Variants in DNAJC7 observed in about 807,000 individuals in gnomAD.
The protein encoded by DNAJC7 is DnaJ heat shock protein family (Hsp40) member C7.
In DNAJC7, 18 loss-of-function variants were observed where a neutral mutation model predicts 67.4. The observed-to-expected ratio is 0.27, with a 90% CI of 0.18 to 0.40. The LOEUF (loss-of-function observed/expected upper bound fraction) is 0.40. Among genes scored for constraint, DNAJC7 ranks in the 10% least tolerant of loss-of-function variants. DNAJC7 has a pLI of 1.00. For synonymous variants in DNAJC7, 220 were observed against 207.8 expected (o/e 1.06, Z -0.50); for missense variants, 419 against 613.8 (o/e 0.68, Z 3.35).
chr17:41,993,566 GA>G (rs1350912805), intron 5 of DNAJC7, among the ~76,000 whole-genome samples: 1 of 152,218 alleles, frequency 6.6e-6, no homozygotes, highest in Non-Finnish European at 1.5e-5. Flanking sequence ...CTGTTCCTTG[GA>G]TAGTAGTCAC....
Position 41,997,130 on chromosome 17 carries a change from A to G in DNAJC7, c.276T>C (p.Asp92=). The change falls in exon 3 of 14, where the codon GAT becomes GAC. Residue 92 remains aspartate (D), a synonymous_variant. Transcript: ENST00000457167. Reference sequence around the variant, plus strand: ...ACATACATACCCGGACAAAACTGTCATCCAACCTCACTGACTGTTGTGCAT... The same window carrying G: ...ACATACATACCCGGACAAAACTGTCGTCCAACCTCACTGACTGTTGTGCAT... ...LGDAQQSVRL[D]DSFVRGHLRE... is the part of the protein sequence containing the mutation. 6.2e-7 allele frequency: 1 copy of G among 1,614,036 alleles called. No individual in the cohort carries two copies. The highest frequency in any genetic ancestry group is 8.5e-7 in the Non-Finnish European group (1 of 1,179,880).
intron 5 of DNAJC7, chr17:41,992,886 A>C (rs887585221): frequency 1.1e-4 from 16 of 152,192 alleles, no homozygotes; most frequent in African/African-American, 3.6e-4. Flanking sequence ...GGCAAGAGAG[A>C]AAAGAAACCC....
chr17:41,977,309 T>C lies in DNAJC7; in HGVS notation c.1399A>G (p.Asn467Asp), dbSNP rs2051113594. 6.3e-7 allele frequency: 1 copy of C among 1,582,318 alleles called. No individual in the cohort carries two copies. The highest frequency in any genetic ancestry group is 1.8e-5 in the Admixed American group (1 of 54,708). ...CCGCCAAAGAATGCCTTGAAGATAT[T>C]GTTTGGATCAAAATCTGTAGAGCAG... ...GMNMGDFDPNNIFKAFFGGPG... is the reference protein window; with the variant it reads ...GMNMGDFDPNDIFKAFFGGPG... Residue 467 changes from asparagine (N) to aspartate (D), a missense_variant, in exon 13 of 14, where the codon AAT becomes GAT. By Grantham distance (23) the Asn-to-Asp change is conservative (BLOSUM62 1). Transcript: ENST00000457167.
In DNAJC7 at chr17:41,983,550, CT is replaced by C; in HGVS notation, c.1084+12del. Reference sequence around the variant, plus strand: ...CACACAGTTCCCTAAAAAACAAATGCTTTTAAACTTACCTTTTGTTTTCTCT... The same window carrying C: ...CACACAGTTCCCTAAAAAACAAATGCTTTAAACTTACCTTTTGTTTTCTCT... On this transcript the variant is annotated intron_variant, in intron 10 of 13. Coordinates refer to ENST00000457167, the MANE Select transcript of DNAJC7 (RefSeq NM_003315.4). 1 of 1,572,404 alleles carries C rather than the reference CT, an allele frequency of 6.4e-7. No homozygotes were observed. The highest frequency in any genetic ancestry group is 8.6e-7 in the Non-Finnish European group (1 of 1,156,872).
chr17:42,001,439 A>G (rs1241529900), intron 1 of DNAJC7, among the ~76,000 whole-genome samples: 1 of 152,236 alleles, frequency 6.6e-6, no homozygotes, highest in Non-Finnish European at 1.5e-5. Context: ...TGGGAATTAG[A>G]TTCCCGAGCA....
At chr17:42,005,358 T>C (rs1555650050) in intron 1 of DNAJC7, among the ~76,000 whole-genome samples, 1 of 152,248 alleles carries the variant, frequency 6.6e-6, no homozygotes, top group Non-Finnish European at 1.5e-5. Context: ...CCAAATTAGA[T>C]GCCCTATAAA....
intron 1 of DNAJC7, among the ~76,000 whole-genome samples, chr17:42,010,727 C>T (rs935836992): frequency 6.6e-6 from 1 of 152,150 alleles, no homozygotes; most frequent in African/African-American, 2.4e-5. Context: ...GCCCCTCACA[C>T]TCTCTCCAAA....
intron 5 of DNAJC7, 95 bp from the exon 6 acceptor site, chr17:41,990,477 A>G (rs2051485882): frequency 5.8e-6 from 6 of 1,032,532 alleles, no homozygotes; most frequent in African/African-American, 1.6e-5. Flanking sequence ...TCAAAACTCA[A>G]TGAGGTCTTT....
At chr17:41,976,815 A>G (rs2143068833) in intron 13 of DNAJC7, 45 bp from the exon 14 acceptor site, 1 of 1,597,530 alleles carries the variant, frequency 6.3e-7, no homozygotes, top group Non-Finnish European at 8.5e-7. Context: ...GGATTTTCTA[A>G]GGAAGATCAC....
At chr17:41,982,157 T>C in intron 11 of DNAJC7, 98 bp downstream of exon 11, 1 of 1,555,062 alleles carries the variant, frequency 6.4e-7, no homozygotes, top group Non-Finnish European at 8.7e-7. Context: ...TATTCTCAGC[T>C]GAAGGACCTC....
At chr17:42,008,837 A>G (rs2052043752) in intron 1 of DNAJC7, among the ~76,000 whole-genome samples, 1 of 152,196 alleles carries the variant, frequency 6.6e-6, no homozygotes, top group Non-Finnish European at 1.5e-5. Flanking sequence ...CCTCCTGAGT[A>G]GCTGAGATTA....
Position 41,993,391 on chromosome 17 carries a change from G to A in DNAJC7, c.480+1479C>T, listed in dbSNP as rs190073353. ...GGAGAATGGCATGAACCCAGGAGGCGGAGCTTGCAGTGAGCCGAGATCCCG... is the reference window on the plus strand; with the variant it reads ...GGAGAATGGCATGAACCCAGGAGGCAGAGCTTGCAGTGAGCCGAGATCCCG... On this transcript the variant is annotated intron_variant, in intron 5 of 13. Transcript: ENST00000457167. Among the ~76,000 whole-genome samples the A allele has an allele frequency of 9.3e-3, 1,412 of 152,210 alleles. 36 individuals carry two copies. The highest frequency in any genetic ancestry group is 0.049 in the East Asian group (253 of 5,170).
chr17:41,996,324 T>G lies in DNAJC7; in HGVS notation c.392A>C (p.Gln131Pro). The G allele has an allele frequency of 6.2e-7, 1 of 1,613,842 alleles. No homozygotes were observed. Among genetic ancestry groups the G allele is most frequent in the Non-Finnish European group, 8.5e-7 (1 of 1,179,880 alleles). The change falls in exon 4 of 14, where the codon CAG (glutamine) becomes CCG (proline). Residue 131 changes from glutamine to proline, a missense_variant. Gln to Pro is a moderately conservative substitution (Grantham distance 76). Transcript: ENST00000457167. ...RALELDHKNA[Q>P]AQQEFKNANA... is the part of the protein sequence containing the mutation. ...TCAGACCCGTACCTCTTGTTGTGCC[T>G]GAGCATTTTTATGATCCAGTTCTAG...
chr17:42,017,344 T>C lies in DNAJC7; in HGVS notation c.73A>G (p.Lys25Glu). 6.2e-7 allele frequency: 1 copy of C among 1,611,846 alleles called. No homozygotes were observed. The highest frequency in any genetic ancestry group is 8.5e-7 in the Non-Finnish European group (1 of 1,179,870). ...ACTACCCTGCTACCCGGTTACCTCT[T>C]CGCCTCTTGGTCGTCGAGCAGCTCC... Reference protein sequence around the residue: ...EPELLDDQEAKREAETFKEQG... With the variant: ...EPELLDDQEAEREAETFKEQG... Residue 25 changes from lysine to glutamate, a missense_variant, in exon 1 of 14, where the codon AAG becomes GAG. Physicochemically the swap from Lys to Glu is moderately conservative, Grantham distance 56. This residue lies in a region of DNAJC7 where 63 missense variants were observed against 54.0 expected (regional missense o/e 1.17). Transcript: ENST00000457167.
intron 1 of DNAJC7, among the ~76,000 whole-genome samples, chr17:42,002,123 C>A (rs1049900764): frequency 2.6e-5 from 4 of 152,210 alleles, no homozygotes; most frequent in Non-Finnish European, 5.9e-5. Flanking sequence ...CTTATAAAAA[C>A]TCTCAGGAGC....
intron 12 of DNAJC7, 99 bp downstream of exon 12, chr17:41,981,756 G>A: frequency 6.7e-7 from 1 of 1,493,548 alleles, no homozygotes; most frequent in Non-Finnish European, 9.1e-7. Context: ...CCAGGGATCA[G>A]ATTTGGCCCA....
At chr17:41,987,576 T>A (rs781784809) in intron 9 of DNAJC7, 24 of 473,322 alleles carry the variant, frequency 5.1e-5, no homozygotes, top group Non-Finnish European at 7.9e-5. Flanking sequence ...GGGTCAGGCA[T>A]CAGAGGAAAC....
chr17:42,003,950 A>ATTTTTTTTTTTTTTT (rs10631965), intron 1 of DNAJC7, among the ~76,000 whole-genome samples: 1 of 94,326 alleles, frequency 1.1e-5, no homozygotes, highest in Non-Finnish European at 2.0e-5. Flanking sequence ...AAGATTTTCA[A>ATTTTTTTTTTTTTTT]TTTTTTTTTT....
Position 42,008,017 on chromosome 17 carries a change from T to A in DNAJC7, c.78-7447A>T, listed in dbSNP as rs113794052. 8.1e-3 allele frequency among the ~76,000 whole-genome samples: 1,226 copies of A among 150,652 alleles called. 8 individuals are homozygous for A. The highest frequency in any genetic ancestry group is 0.022 in the African/African-American group (885 of 41,082). ...TGTGCCCGGTAAGAAGTTTCTTTTT[T>A]AAAAAAAAATCTAGGCTGGGCAAGG... On this transcript the variant is annotated intron_variant, in intron 1 of 13. Transcript: ENST00000457167.
Sources: gnomAD v4.1 joint callset for allele counts (sites outside exome capture counted in the v4.1 genomes callset) on GRCh38, gnomAD v4.1.1 for gene constraint, gnomAD v4.1.1 regional missense constraint, MANE v1.5 for transcripts, NCBI Gene and HGNC (gene_info 2026-07-23, HGNC 2026-07-21) for gene names.